Variants in DPH6 observed in about 807,000 individuals in gnomAD.
DPH6 encodes diphthamine biosynthesis 6.
Under a neutral mutation model 38.2 loss-of-function variants are expected in DPH6, and 33 were observed. The ratio of observed to expected loss-of-function variants is 0.86; its 90% CI spans 0.65 to 1.15. The LOEUF (loss-of-function observed/expected upper bound fraction) is 1.15. Ranked by LOEUF, DPH6 falls within the 50% of genes most tolerant of loss-of-function variation. DPH6 has a pLI of 0.00. For missense variants in DPH6, 325 were observed against 320.0 expected, an observed-to-expected ratio of 1.02 and a Z score of -0.12; for synonymous variants, 108 against 103.0, an observed-to-expected ratio of 1.05 and a Z score of -0.30.
rs374707698 is a variant in DPH6 at position 35,242,027 on chromosome 15, G to A, written n.201-21445C>T. ...CATTATTCTGTTCTGGATCTCAAAC[G>A]TGCTTTCTTTACTATTCCTTTGCAC... On this transcript the variant is annotated intron_variant and non_coding_transcript_variant, in intron 3 of 3. Coordinates refer to the DPH6 transcript ENST00000560386. Among the ~76,000 whole-genome samples, 32 of 143,722 alleles carry A rather than the reference G, an allele frequency of 2.2e-4. 2 individuals carry two copies. Among genetic ancestry groups the A allele is most frequent in the African/African-American group, 7.8e-4 (31 of 39,548 alleles). The allele number at this position is 143,722 out of a possible 152,430, so 94.3% of individuals were successfully genotyped here. A position where few individuals can be genotyped will look rare whatever the true frequency, so the allele number is the denominator to read the frequency against.
At chr15:35,153,707 AAGAG>A in the DPH6 span, among the ~76,000 whole-genome samples, 3 of 152,292 alleles carry the variant, frequency 2.0e-5, no homozygotes, top group South Asian at 6.2e-4. Context: ...AAGGAAGAGA[AAGAG>A]AGAAAGACAG....
At chr15:35,163,885 A>AC in the DPH6 span, among the ~76,000 whole-genome samples, 1 of 151,876 alleles carries the variant, frequency 6.6e-6, no homozygotes, top group Non-Finnish European at 1.5e-5. Context: ...ATGCTAGGGA[A>AC]CAGAGGGTCT....
intron 3 of DPH6, among the ~76,000 whole-genome samples, chr15:35,338,960 G>C (rs10467962): frequency 0.36 from 54,845 of 151,452 alleles, 11,753 homozygotes; most frequent in African/African-American, 0.61. Flanking sequence ...CATGTTCTCA[G>C]TCATAGGTGG....
At chr15:35,401,121 C>T in intron 6 of DPH6, 3 of 932,746 alleles carry the variant, frequency 3.2e-6, no homozygotes, top group Non-Finnish European at 5.2e-6. Flanking sequence ...ATGACCATGA[C>T]TTTGTGGATA....
chr15:35,393,508 T>C (rs181734492), intron 6 of DPH6, among the ~76,000 whole-genome samples: 140 of 152,312 alleles, frequency 9.2e-4, no homozygotes, highest in African/African-American at 3.2e-3. Flanking sequence ...GAAGTATGAA[T>C]GGAGGACAAA....
At chr15:35,201,707 A>C in the DPH6 span, among the ~76,000 whole-genome samples, 1 of 151,772 alleles carries the variant, frequency 6.6e-6, no homozygotes, top group African/African-American at 2.4e-5. Flanking sequence ...TATAATTGAG[A>C]TTATTACCAC....
chr15:35,236,466 G>A (rs539882524), intron 3 of DPH6, among the ~76,000 whole-genome samples: 2 of 151,928 alleles, frequency 1.3e-5, no homozygotes, highest in South Asian at 2.1e-4. Flanking sequence ...GTGAAACCCC[G>A]TCTCTACTAA....
Position 35,538,421 on chromosome 15 carries a change from G to A in DPH6, c.165C>T (p.His55=), listed in dbSNP as rs781048720. The part of the protein sequence containing the change: ...LDSYMYQTVG[H]HAIDLYAEAM... Reference sequence around the variant, plus strand: ...CTTCTGCATACAAGTCAATGGCATGGTGCCCCACTGTCTGATACATGTAGC... The same window carrying A: ...CTTCTGCATACAAGTCAATGGCATGATGCCCCACTGTCTGATACATGTAGC... Residue 55 remains histidine, a synonymous_variant, in exon 3 of 9, where the codon CAC becomes CAT. Transcript: ENST00000256538. 11 of 1,600,210 alleles carry A rather than the reference G, an allele frequency of 6.9e-6. No individual in the cohort carries two copies. Among genetic ancestry groups the A allele is most frequent in the South Asian group, 3.4e-5 (3 of 89,492 alleles).
intron 3 of DPH6, among the ~76,000 whole-genome samples, chr15:35,534,953 A>G (rs955861522): frequency 6.6e-6 from 1 of 152,200 alleles, no homozygotes. Flanking sequence ...TCTAGGCTTC[A>G]TTCTATTAGG....
intron 3 of DPH6, among the ~76,000 whole-genome samples, chr15:35,250,102 C>T (rs1307615399): frequency 6.6e-6 from 1 of 151,494 alleles, no homozygotes; most frequent in African/African-American, 2.4e-5. Flanking sequence ...GGAGTGAACC[C>T]GGGAGGCAGA....
At chr15:35,323,293 G>T (rs1323920760) in intron 3 of DPH6, among the ~76,000 whole-genome samples, 1 of 152,122 alleles carries the variant, frequency 6.6e-6, no homozygotes, top group Non-Finnish European at 1.5e-5. Flanking sequence ...TTCTTATAGA[G>T]AATTTTGGTT....
intron 3 of DPH6, among the ~76,000 whole-genome samples, chr15:35,250,545 A>G (rs1053818455): frequency 6.6e-6 from 1 of 152,230 alleles, no homozygotes; most frequent in South Asian, 2.1e-4. Context: ...AGGTTCTTAC[A>G]TGATATTTTA....
chr15:35,275,136 C>T (rs976384843), intron 3 of DPH6, among the ~76,000 whole-genome samples: 2 of 151,988 alleles, frequency 1.3e-5, no homozygotes, highest in East Asian at 1.9e-4. Context: ...AGGATGGTCT[C>T]GAACTCCTGA....
chr15:35,446,136 C>G (rs2053848899), intron 5 of DPH6, among the ~76,000 whole-genome samples: 1 of 151,290 alleles, frequency 6.6e-6, no homozygotes, highest in Non-Finnish European at 1.5e-5. Flanking sequence ...CAATTTCAGA[C>G]AATGATTCAT....
Position 35,438,361 on chromosome 15 carries a change from G to C in DPH6, c.505+12324C>G, listed in dbSNP as rs2053743946. ...CAACCTCCATGTCCCTGGTTCAAGC[G>C]ATGGCCTGTGATTACTTGGGAAAAA... On this transcript the variant is annotated intron_variant, in intron 5 of 8. Coordinates refer to ENST00000256538, the MANE Select transcript of DPH6 (RefSeq NM_080650.4). Among the ~76,000 whole-genome samples, 2 of 152,138 alleles carry C rather than the reference G, an allele frequency of 1.3e-5. 1 individual carries two copies. Among genetic ancestry groups the C allele is most frequent in the South Asian group, 4.1e-4 (2 of 4,826 alleles).
intron 6 of DPH6, among the ~76,000 whole-genome samples, chr15:35,408,459 T>C (rs149192003): frequency 4.7e-4 from 71 of 151,874 alleles, no homozygotes; most frequent in African/African-American, 1.3e-3. Context: ...TAAGTAGAGA[T>C]TGAATTTGTG....
chr15:35,424,457 T>A (rs896137760), intron 5 of DPH6, among the ~76,000 whole-genome samples: 1 of 151,640 alleles, frequency 6.6e-6, no homozygotes, highest in Admixed American at 6.6e-5. Context: ...ACAGGATTTT[T>A]TTTTTTGTCA....
At chr15:35,521,153 CT>C (rs1387833548) in intron 3 of DPH6, 1 of 985,114 alleles carries the variant, frequency 1.0e-6, no homozygotes, top group Non-Finnish European at 1.2e-6. Flanking sequence ...TGAGGCTTTA[CT>C]TTTTAACTGA....
At chr15:35,519,374 A>G (rs1325418839) in intron 3 of DPH6, 1 of 151,982 alleles carries the variant, frequency 6.6e-6, no homozygotes, top group East Asian at 1.9e-4. Flanking sequence ...CAAAGGAACT[A>G]AATTATTTTT....
Sources: gnomAD v4.1 joint callset for allele counts (sites outside exome capture counted in the v4.1 genomes callset) on GRCh38, gnomAD v4.1.1 for gene constraint, MANE v1.5 for transcripts, NCBI Gene and HGNC (gene_info 2026-07-23, HGNC 2026-07-21) for gene names.